EFCAB12: variants seen among roughly 807,000 people sequenced by gnomAD.
EFCAB12 encodes EF-hand calcium binding domain 12.
In EFCAB12, 43 loss-of-function variants were observed where a neutral mutation model predicts 53.6. The ratio of observed to expected loss-of-function variants is 0.80; its 90% CI spans 0.63 to 1.03. The LOEUF (loss-of-function observed/expected upper bound fraction) is 1.03. Among genes scored for constraint, EFCAB12 ranks in the 50% least tolerant of loss-of-function variants. The pLI, the probability that EFCAB12 is intolerant of heterozygous loss-of-function variation, is 0.00. For synonymous variants in EFCAB12, 269 were observed against 289.2 expected (o/e 0.93, Z 0.71); for missense variants, 646 against 730.6 (o/e 0.88, Z 1.34).
Position 129,408,737 on chromosome 3 carries a change from G to A in EFCAB12, c.1157C>T (p.Ser386Leu), listed in dbSNP as rs749386755. ...GACCAGAAAGTTGTGCCTGCGGGCC[G>A]AGTCAATGAGCTCCCTCATATCCCC... ...IHGDMRELID[S>L]ARRHNFLVYL... The change falls in exon 6 of 9, where the codon TCG (serine) becomes TTG (leucine). Residue 386 changes from serine (S) to leucine (L), a missense_variant. Ser to Leu is a moderately radical substitution (Grantham distance 145, BLOSUM62 -2). Coordinates refer to ENST00000505956, the MANE Select transcript of EFCAB12 (RefSeq NM_207307.3). The A allele has an allele frequency of 5.0e-6, 8 of 1,585,192 alleles. 1 individual carries two copies. The highest frequency in any genetic ancestry group is 3.3e-4 in the Middle Eastern group (2 of 6,058).
Position 129,404,352 on chromosome 3 carries a change from G to C in EFCAB12, c.1301C>G (p.Pro434Arg). Residue 434 changes from proline (P) to arginine (R), a missense_variant, in exon 7 of 9, where the codon CCC becomes CGC. Physicochemically the swap from Pro to Arg is moderately radical, Grantham distance 103. Transcript: ENST00000505956. Reference sequence around the variant, plus strand: ...GTAGTAGCCTCCCGGCTGCCGGATGGGGCACACTTTGTCCATCTGGAAAAT... The same window carrying C: ...GTAGTAGCCTCCCGGCTGCCGGATGCGGCACACTTTGTCCATCTGGAAAAT... Reference protein sequence around the residue: ...KIIFQMDKVCPIRQPGGYYSD... With the variant: ...KIIFQMDKVCRIRQPGGYYSD... The C allele has an allele frequency of 6.2e-7, 1 of 1,613,834 alleles. No individual in the cohort carries two copies. The highest frequency in any genetic ancestry group is 8.5e-7 in the Non-Finnish European group (1 of 1,179,850).
At chr3:129,415,503 A>T (rs2072104522) in intron 3 of EFCAB12, 102 bp from the exon 4 acceptor site, 2 of 1,449,332 alleles carry the variant, frequency 1.4e-6, no homozygotes, top group Admixed American at 4.6e-5. Context: ...TCCTGCTTCC[A>T]GTTTCATCCT....
At chr3:129,403,988 A>AC (rs2107735182) in intron 7 of EFCAB12, 1 of 333,954 alleles carries the variant, frequency 3.0e-6, no homozygotes, top group Non-Finnish European at 5.5e-6. Flanking sequence ...TTTTCCAGAA[A>AC]CCTTATGATT....
Position 129,418,409 on chromosome 3 carries a change from C to A in EFCAB12, c.526G>T (p.Val176Leu), listed in dbSNP as rs553295347. The change falls in exon 3 of 9, where the codon GTG becomes TTG. Residue 176 changes from valine to leucine, a missense_variant. Val to Leu is a conservative substitution (Grantham distance 32). Transcript: ENST00000505956. ...GGCTCGGGCAGCTGGAGCTGGGGCACCATCTGGCGGGACAGCCGGGAGAGC... is the reference window on the plus strand; with the variant it reads ...GGCTCGGGCAGCTGGAGCTGGGGCAACATCTGGCGGGACAGCCGGGAGAGC... The part of the protein sequence containing the change: ...PRLSRLSRQM[V>L]PQLQLPEPPA... 4 of 1,612,926 alleles carry A rather than the reference C, an allele frequency of 2.5e-6. No individual in the cohort carries two copies. Among genetic ancestry groups the A allele is most frequent in the East Asian group, 4.5e-5 (2 of 44,846 alleles).
rs2071870670 is a variant in EFCAB12, at chr3:129,401,608, C to T, written c.1704G>A (p.Val568=). 1.3e-6 allele frequency: 2 copies of T among 1,555,724 alleles called. No individual in the cohort carries two copies. The highest frequency in any genetic ancestry group is 1.9e-5 in the Admixed American group (1 of 52,154). ...CTGGCTAGCTCTAGTTGATGTAGTA[C>T]ACCTTGGCGGCATCATAATGGGCGT... is the stretch of plus-strand genomic sequence containing the variant. ...MTHAHYDAAK[V]YYIN is the part of the protein sequence containing the mutation. Residue 568 remains valine (V), a synonymous_variant, in exon 9 of 9, where the codon GTG becomes GTA. Coordinates refer to ENST00000505956, the MANE Select transcript of EFCAB12 (RefSeq NM_207307.3).
At chr3:129,415,144 C>T in intron 4 of EFCAB12, 101 bp downstream of exon 4, 2 of 1,391,078 alleles carry the variant, frequency 1.4e-6, no homozygotes, top group Non-Finnish European at 9.4e-7. Context: ...AACTGGGGAA[C>T]ACACTGAGGA....
rs369453978 is a variant in EFCAB12, at chr3:129,416,950, G to C, written c.681+1304C>G. On this transcript the variant is annotated intron_variant, in intron 3 of 8. Transcript: ENST00000505956. ...ATTACAGGCATGAGCCAGCATGCTA[G>C]GGTAAAGTATCTTGCATTCAAAATG... Among the ~76,000 whole-genome samples, 17 of 152,258 alleles carry C rather than the reference G, an allele frequency of 1.1e-4. No homozygotes were observed. The East Asian group carries it at 2.3e-3, about 21-fold the overall frequency.
In EFCAB12 at chr3:129,415,320, T is replaced by G; in HGVS notation, c.763A>C (p.Met255Leu). The change falls in exon 4 of 9, where the codon ATG (methionine) becomes CTG (leucine). Residue 255 changes from methionine (M) to leucine (L), a missense_variant. By Grantham distance (15) the Met-to-Leu change is conservative (BLOSUM62 2). Transcript: ENST00000505956. ...TTGTAGGTATTGGCCAGGATATCCA[T>G]GGTGATGGTGTTGTGCTTCCCAAGA... ...SSLGKHNTITMDILANTYKQW... is the reference protein window; with the variant it reads ...SSLGKHNTITLDILANTYKQW... 6.2e-7 allele frequency: 1 copy of G among 1,613,624 alleles called. No homozygotes were observed. The highest frequency in any genetic ancestry group is 8.5e-7 in the Non-Finnish European group (1 of 1,179,854).
chr3:129,411,601 G>A (rs1239614662), intron 4 of EFCAB12: 4 of 394,424 alleles, frequency 1.0e-5, no homozygotes, highest in African/African-American at 6.2e-5. Context: ...TTCTCGTCCT[G>A]TCACCCTGTC....
chr3:129,402,536 C>T lies in EFCAB12; in HGVS notation c.1447G>A (p.Glu483Lys). Residue 483 changes from glutamate (E) to lysine (K), a missense_variant, in exon 8 of 9, where the codon GAG (glutamate) becomes AAG (lysine). Transcript: ENST00000505956. ...KSKKMRFKEF[E>K]EFTRKLKVKR... ...ATTGCCACAGACCTGGTAAATTCCT[C>T]AAACTCCTTAAAGCGCATTTTCTTG... 1 of 1,612,936 alleles carries T rather than the reference C, an allele frequency of 6.2e-7. No individual in the cohort carries two copies. Among genetic ancestry groups the T allele is most frequent in the East Asian group, 2.2e-5 (1 of 44,874 alleles).
chr3:129,425,028 T>G (rs1242417158), intron 1 of EFCAB12, among the ~76,000 whole-genome samples: 1 of 152,102 alleles, frequency 6.6e-6, no homozygotes, highest in Non-Finnish European at 1.5e-5. Context: ...ATTTGGGGAT[T>G]TTAGGGTCAC....
intron 3 of EFCAB12, among the ~76,000 whole-genome samples, chr3:129,416,788 G>A (rs12629957): frequency 6.6e-6 from 1 of 151,862 alleles, no homozygotes; most frequent in Non-Finnish European, 1.5e-5. Context: ...TAGCTGGGAC[G>A]ACAGGTGTGT....
intron 1 of EFCAB12, among the ~76,000 whole-genome samples, chr3:129,428,039 G>A (rs2072292831): frequency 1.3e-5 from 2 of 152,104 alleles, no homozygotes; most frequent in Admixed American, 6.5e-5. Flanking sequence ...CCTGGGCCCG[G>A]CATTTACCCC....
chr3:129,403,845 G>T (rs548036864), intron 7 of EFCAB12: 1 of 156,526 alleles, frequency 6.4e-6, no homozygotes, highest in Non-Finnish European at 1.4e-5. Flanking sequence ...CCAGAGAAGG[G>T]GTGTGGCCGC....
intron 2 of EFCAB12, among the ~76,000 whole-genome samples, chr3:129,418,870 T>C (rs550879416): frequency 3.1e-4 from 47 of 152,174 alleles, no homozygotes; most frequent in Non-Finnish European, 5.4e-4. Flanking sequence ...TCTCTCTTTC[T>C]CTATCTGTCC....
In EFCAB12 at chr3:129,404,282, G is replaced by T; in HGVS notation, c.1371C>A (p.Ser457=). ...TCCTCTTAGACTTGCCAGGGCCCTG[G>T]GACCGGAGCAGAGCCAGATTCGGAG... is the stretch of plus-strand genomic sequence containing the variant. ...VFSPNLALLR[S]QGPGKSKRTD... Residue 457 remains serine, a synonymous_variant, in exon 7 of 9, where the codon TCC becomes TCA. Transcript: ENST00000505956. The T allele has an allele frequency of 6.2e-7, 1 of 1,613,840 alleles. No homozygotes were observed. The highest frequency in any genetic ancestry group is 8.5e-7 in the Non-Finnish European group (1 of 1,179,828).
At position 129,401,493 on chromosome 3, in the gene EFCAB12, A is replaced by G; in HGVS notation, c.*100T>C. The G allele has an allele frequency of 2.8e-6, 4 of 1,416,456 alleles. No homozygotes were observed. Among genetic ancestry groups the G allele is most frequent in the Non-Finnish European group, 3.7e-6 (4 of 1,069,612 alleles). 87.7% of individuals were successfully genotyped at this position (1,416,456 alleles called of 1,614,324 possible). On this transcript the variant is annotated 3_prime_UTR_variant, in exon 9 of 9. Transcript: ENST00000505956. ...CATCCCTCTTTGAAAGGATTTCTTT[A>G]GTTTGACTCTTTGACACTCCTCTTG...
intron 1 of EFCAB12, among the ~76,000 whole-genome samples, chr3:129,425,899 A>G (rs189032440): frequency 1.3e-5 from 2 of 152,330 alleles, no homozygotes; most frequent in East Asian, 3.9e-4. Flanking sequence ...GGTGGACACT[A>G]AACTCTGACT....
At chr3:129,404,086 A>C in intron 7 of EFCAB12, 164 bp downstream of exon 7, 1 of 846,560 alleles carries the variant, frequency 1.2e-6, no homozygotes, top group South Asian at 1.9e-5. Context: ...GTGACCCGGG[A>C]CTGGCCAGTC....
Sources: allele counts gnomAD v4.1 joint callset (sites outside exome capture counted in the v4.1 genomes callset), GRCh38; gene constraint gnomAD v4.1.1; transcripts MANE v1.5; gene names NCBI Gene and HGNC (gene_info 2026-07-23, HGNC 2026-07-21).